NKIRAS1: variants seen among roughly 807,000 people sequenced by gnomAD.
NKIRAS1 encodes the protein NFKB inhibitor interacting Ras like 1, also known as NF-kappa-B inhibitor-interacting Ras-like protein 1.
Under a neutral mutation model 19.8 loss-of-function variants are expected in NKIRAS1, and 16 were observed. The observed-to-expected ratio is 0.81, with a 90% CI of 0.55 to 1.23. The LOEUF (loss-of-function observed/expected upper bound fraction) is 1.23. NKIRAS1 is among the 50% of genes most tolerant of loss of function. The pLI is 0.00. For synonymous variants in NKIRAS1, 88 were observed against 79.0 expected, an observed-to-expected ratio of 1.11 and a Z score of -0.61; for missense variants, 184 against 220.0, an observed-to-expected ratio of 0.84 and a Z score of 1.04.
rs561631663 is a variant in NKIRAS1, at chr3:23,927,049, T to C, written c.-139-15599A>G. ...GCCCCAACATCATTCCAGTTCAGCC[T>C]TGGGAAGGCTGACTAGACATTTAGC... is the stretch of plus-strand genomic sequence containing the variant. On this transcript the variant is annotated intron_variant, in intron 1 of 4. Transcript: ENST00000421515. This position sits in a 1 kb window ranked among gnomAD's most constrained non-coding sequence, Gnocchi z 4.0. Among the ~76,000 whole-genome samples the C allele has an allele frequency of 2.6e-5, 4 of 152,330 alleles. No individual in the cohort carries two copies. The South Asian group carries it at 8.3e-4, about 32-fold the overall frequency.
intron 1 of NKIRAS1, among the ~76,000 whole-genome samples, chr3:23,940,167 C>CAAAAAAAAAA (rs1559517464): frequency 3.5e-5 from 1 of 28,916 alleles, no homozygotes. Flanking sequence ...CCCATCTCTA[C>CAAAAAAAAAA]CAAAAAAAAA....
At chr3:23,938,194 TG>T (rs1048668446) in intron 1 of NKIRAS1, among the ~76,000 whole-genome samples, 13 of 148,058 alleles carry the variant, frequency 8.8e-5, no homozygotes, top group African/African-American at 3.2e-4. Flanking sequence ...ACCCTCTCAT[TG>T]AGAAGTACAG....
upstream of NKIRAS1, chr3:23,920,181 T>C: frequency 2.0e-6 from 2 of 985,536 alleles, no homozygotes; most frequent in Non-Finnish European, 2.4e-6. Flanking sequence ...GATAAATACC[T>C]TTCAAGTGTG....
chr3:23,911,765 CTT>C (rs535208116), intron 1 of NKIRAS1, among the ~76,000 whole-genome samples: 35 of 138,054 alleles, frequency 2.5e-4, no homozygotes, highest in African/African-American at 2.4e-4. Flanking sequence ...GTCACGTGGG[CTT>C]TTTTTTTTTT....
intron 1 of NKIRAS1, 95 bp downstream of exon 1, chr3:23,916,689 C>G (rs1027765357): frequency 1.3e-5 from 2 of 152,432 alleles, no homozygotes; most frequent in African/African-American, 2.4e-5. Context: ...GATTTCTGCG[C>G]CCGTCGTGCG....
At chr3:23,944,310 T>C (rs1054452653) in intron 1 of NKIRAS1, among the ~76,000 whole-genome samples, 11 of 152,286 alleles carry the variant, frequency 7.2e-5, no homozygotes, top group African/African-American at 2.6e-4. Context: ...ACGTGACATT[T>C]TCCCCACCTT....
chr3:23,926,100 G>A lies in NKIRAS1; in HGVS notation c.-139-14650C>T, dbSNP rs1437238529. ...GCGTCTTGCTCTGTCGCCCAGGCTG[G>A]AGTGCAGTGGCACAATCTTGGCTCA... On this transcript the variant is annotated intron_variant, in intron 1 of 4. Coordinates refer to the NKIRAS1 transcript ENST00000421515. This position sits in a 1 kb window ranked among gnomAD's most constrained non-coding sequence, Gnocchi z 4.3. Among the ~76,000 whole-genome samples, 1 of 151,932 alleles carries A rather than the reference G, an allele frequency of 6.6e-6. No individual in the cohort carries two copies. Among genetic ancestry groups the A allele is most frequent in the Non-Finnish European group, 1.5e-5 (1 of 67,974 alleles).
rs910043147 is a variant in NKIRAS1 at position 23,892,799 on chromosome 3, A to G, written c.*296T>C. On this transcript the variant is annotated 3_prime_UTR_variant, in exon 5 of 5. Transcript: ENST00000425478. ...GGAAGTTACACATAGGTGCATTTGCATAACTATCCAAACTATTTTACTGTT... is the reference window on the plus strand; with the variant it reads ...GGAAGTTACACATAGGTGCATTTGCGTAACTATCCAAACTATTTTACTGTT... 4 of 200,720 alleles carry G rather than the reference A, an allele frequency of 2.0e-5. No homozygotes were observed. The highest frequency in any genetic ancestry group is 3.0e-5 in the Non-Finnish European group (3 of 100,074). The allele number at this position is 200,720 out of a possible 1,614,324, so 12.4% of individuals were successfully genotyped here.
At chr3:23,903,643 A>C (rs982164747) in intron 3 of NKIRAS1, among the ~76,000 whole-genome samples, 1 of 152,230 alleles carries the variant, frequency 6.6e-6, no homozygotes, top group Non-Finnish European at 1.5e-5. Context: ...GAAAATAAAG[A>C]TAAGAATATC....
intron 4 of NKIRAS1, among the ~76,000 whole-genome samples, chr3:23,895,043 TTTTG>T (rs996255694): frequency 2.6e-5 from 4 of 152,096 alleles, no homozygotes; most frequent in African/African-American, 4.8e-5. Context: ...CTAGACCTTG[TTTTG>T]TTTGTTTTTT....
At chr3:23,900,370 C>T (rs1188034016) in intron 4 of NKIRAS1, among the ~76,000 whole-genome samples, 1 of 152,054 alleles carries the variant, frequency 6.6e-6, no homozygotes, top group African/African-American at 2.4e-5. Flanking sequence ...CAGAGCGGCT[C>T]ACACGTGTAA....
chr3:23,928,926 GGCAGAGGTT>G (rs1455225134), intron 1 of NKIRAS1, among the ~76,000 whole-genome samples: 2 of 151,328 alleles, frequency 1.3e-5, no homozygotes, highest in Non-Finnish European at 1.5e-5. Flanking sequence ...GAACCCAGGA[GGCAGAGGTT>G]GCAGTGAACC....
rs960914395 is a variant in NKIRAS1 at position 23,890,415 on chromosome 3, T to C, written c.*2680A>G. ...CGAAGATGGGTTTGATCACACATAC[T>C]TTGTCGTACGTATCTACCCAAGCTG... On this transcript the variant is annotated 3_prime_UTR_variant, in exon 5 of 5. Coordinates refer to ENST00000425478, the MANE Select transcript of NKIRAS1 (RefSeq NM_020345.4). 1.4e-5 allele frequency: 16 copies of C among 1,170,948 alleles called. No homozygotes were observed. The highest frequency in any genetic ancestry group is 2.0e-4 in the Middle Eastern group (1 of 5,014). The allele number at this position is 1,170,948 out of a possible 1,614,324, so 72.5% of individuals were successfully genotyped here. A position where few individuals can be genotyped will look rare whatever the true frequency, so the allele number is the denominator to read the frequency against.
intron 1 of NKIRAS1, among the ~76,000 whole-genome samples, chr3:23,924,838 T>C (rs1315046456): frequency 6.6e-6 from 1 of 152,230 alleles, no homozygotes; most frequent in Non-Finnish European, 1.5e-5. Context: ...AGTAGCTATA[T>C]TGTATCAGGC....
chr3:23,893,132 C>G lies in NKIRAS1; in HGVS notation c.542G>C (p.Gly181Ala). ...ATTAGAGTTCCCTTTGTTTTTCCTC[C>G]CAGGCAAAGGAAAGCTTGATTTGCT... ...PQSKSSFPLPGRKNKGNSNSE... is the reference protein window; with the variant it reads ...PQSKSSFPLPARKNKGNSNSE... Residue 181 changes from glycine (G) to alanine (A), a missense_variant, in exon 5 of 5, where the codon GGG becomes GCG. Coordinates refer to ENST00000425478, the MANE Select transcript of NKIRAS1 (RefSeq NM_020345.4). 1 of 1,582,950 alleles carries G rather than the reference C, an allele frequency of 6.3e-7. No homozygotes were observed. The highest frequency in any genetic ancestry group is 8.6e-7 in the Non-Finnish European group (1 of 1,167,386).
chr3:23,898,680 G>C (rs948582337), intron 4 of NKIRAS1, among the ~76,000 whole-genome samples: 1 of 152,020 alleles, frequency 6.6e-6, no homozygotes, highest in Non-Finnish European at 1.5e-5. Flanking sequence ...TCCTGACCTC[G>C]TGATCTGCCC....
In NKIRAS1 at chr3:23,926,825, G is replaced by C. The variant is rs1377638446; in HGVS notation, c.-139-15375C>G. 6.6e-6 allele frequency among the ~76,000 whole-genome samples: 1 copy of C among 152,206 alleles called. No homozygotes were observed. Among genetic ancestry groups the C allele is most frequent in the Non-Finnish European group, 1.5e-5 (1 of 68,040 alleles). On this transcript the variant is annotated intron_variant, in intron 1 of 4. Coordinates refer to the NKIRAS1 transcript ENST00000421515. This position sits in a 1 kb window ranked among gnomAD's most constrained non-coding sequence, Gnocchi z 4.3. ...ATTTGGCTGCATCTTTTGCCAAACT[G>C]TTGGACCTTTGAAATCAGTTTTATA...
chr3:23,944,835 C>CGGGGGG (rs1315070785), intron 1 of NKIRAS1, among the ~76,000 whole-genome samples: 1 of 1,258 alleles, frequency 7.9e-4, no homozygotes, highest in African/African-American at 3.0e-3. Context: ...CGGGTGGGAG[C>CGGGGGG]GGGGGGTGGG....
chr3:23,921,178 G>T (rs1296025521), upstream of NKIRAS1, among the ~76,000 whole-genome samples: 1 of 152,086 alleles, frequency 6.6e-6, no homozygotes, highest in Non-Finnish European at 1.5e-5. Flanking sequence ...GGAGAGAAAG[G>T]GTTCGGGCCA....
Sources: gnomAD v4.1 joint callset for allele counts (sites outside exome capture counted in the v4.1 genomes callset) on GRCh38, gnomAD v4.1.1 for gene constraint, Gnocchi (gnomAD v3.1) non-coding constraint, MANE v1.5 for transcripts, NCBI Gene and HGNC (gene_info 2026-07-23, HGNC 2026-07-21) for gene names.